The following CYP4X1 variants were observed in gnomAD, a reference collection of about 807,000 sequenced individuals.
CYP4X1 encodes the protein cytochrome P450 family 4 subfamily X member 1.
CYP4X1 carries 44 observed loss-of-function variants against 57.9 expected under a neutral mutation model. The ratio of observed to expected loss-of-function variants is 0.76; its 90% CI spans 0.60 to 0.98. CYP4X1 has a LOEUF of 0.98. Among genes scored for constraint, CYP4X1 ranks in the 50% least tolerant of loss-of-function variants. The pLI is 0.00. For missense variants in CYP4X1, 532 were observed against 623.9 expected (o/e 0.85, Z 1.57); for synonymous variants, 227 against 228.6 (o/e 0.99, Z 0.06).
At chr1:47,007,208 A>G in the CYP4X1 span, among the ~76,000 whole-genome samples, 1 of 152,152 alleles carries the variant, frequency 6.6e-6, no homozygotes, top group Non-Finnish European at 1.5e-5. Context: ...TCACACGGCC[A>G]GGTACTCCTC....
chr1:47,018,842 A>T (rs1643968926), upstream of CYP4X1, among the ~76,000 whole-genome samples: 1 of 152,240 alleles, frequency 6.6e-6, no homozygotes, highest in Admixed American at 6.5e-5. Context: ...CAGAAAAATC[A>T]GAATTCAATC....
the CYP4X1 span, among the ~76,000 whole-genome samples, chr1:46,981,480 C>G: frequency 2.6e-5 from 4 of 152,144 alleles, no homozygotes; most frequent in African/African-American, 9.7e-5. Flanking sequence ...AGTCAGGAAA[C>G]AACAGGTGCT....
the CYP4X1 span, among the ~76,000 whole-genome samples, chr1:46,965,734 G>T: frequency 6.6e-6 from 1 of 152,210 alleles, no homozygotes; most frequent in South Asian, 2.1e-4. Flanking sequence ...AGTACAGCAG[G>T]TGTGCTGCAT....
chr1:46,979,679 G>A, the CYP4X1 span, among the ~76,000 whole-genome samples: 1 of 152,078 alleles, frequency 6.6e-6, no homozygotes, highest in Non-Finnish European at 1.5e-5. Context: ...AATAAAAAAA[G>A]AGAATTTTAG....
At chr1:47,003,352 T>C in the CYP4X1 span, among the ~76,000 whole-genome samples, 1 of 152,138 alleles carries the variant, frequency 6.6e-6, no homozygotes, top group Non-Finnish European at 1.5e-5. Context: ...AGCCAGAAAT[T>C]GTCCCCATAT....
At chr1:46,963,342 C>T in the CYP4X1 span, among the ~76,000 whole-genome samples, 64 of 152,032 alleles carry the variant, frequency 4.2e-4, no homozygotes, top group Admixed American at 2.3e-3. Flanking sequence ...CAGTTTCTTC[C>T]TAGCATTGAT....
the CYP4X1 span, among the ~76,000 whole-genome samples, chr1:46,987,645 C>T: frequency 3.9e-5 from 6 of 152,284 alleles, no homozygotes; most frequent in Middle Eastern, 3.4e-3. Context: ...TAAAACACTC[C>T]TCAGCAAATG....
At chr1:46,972,812 T>C in the CYP4X1 span, among the ~76,000 whole-genome samples, 2 of 152,180 alleles carry the variant, frequency 1.3e-5, no homozygotes, top group Non-Finnish European at 2.9e-5. Flanking sequence ...CTGAAGTTTC[T>C]GAGATCTAGG....
chr1:47,053,064 C>A (rs1295024561), downstream of CYP4X1, among the ~76,000 whole-genome samples: 1 of 152,056 alleles, frequency 6.6e-6, no homozygotes, highest in Non-Finnish European at 1.5e-5. Flanking sequence ...GCTATCCCTC[C>A]CCCATCCCCC....
chr1:47,035,990 AC>A, intron 5 of CYP4X1, 26 bp from the exon 6 acceptor site: 1 of 1,610,684 alleles, frequency 6.2e-7, no homozygotes, highest in Non-Finnish European at 8.5e-7. Flanking sequence ...TTGTTTATTA[AC>A]ACATTATCCC....
At chr1:46,968,570 G>T in the CYP4X1 span, among the ~76,000 whole-genome samples, 5 of 152,132 alleles carry the variant, frequency 3.3e-5, no homozygotes, top group Admixed American at 2.0e-4. Context: ...CTCACCTTCT[G>T]CTGGCTGTGC....
At chr1:47,033,660 T>C (rs543632518) in intron 4 of CYP4X1, among the ~76,000 whole-genome samples, 3 of 152,316 alleles carry the variant, frequency 2.0e-5, no homozygotes, top group South Asian at 4.1e-4. Flanking sequence ...ATGTGTTTCA[T>C]GGAGGGCGGG....
At chr1:47,037,804 A>G (rs1016533187) in intron 6 of CYP4X1, among the ~76,000 whole-genome samples, 9 of 152,152 alleles carry the variant, frequency 5.9e-5, no homozygotes, top group African/African-American at 1.2e-4. Context: ...TTATTTTCAT[A>G]TTTAAATCAG....
the CYP4X1 span, among the ~76,000 whole-genome samples, chr1:46,963,071 C>A: frequency 1.5e-3 from 232 of 152,286 alleles, no homozygotes; most frequent in African/African-American, 5.4e-3. Context: ...ACTAGAATTG[C>A]AACCCCTGCC....
At chr1:46,973,064 G>A in the CYP4X1 span, among the ~76,000 whole-genome samples, 7 of 152,108 alleles carry the variant, frequency 4.6e-5, no homozygotes, top group African/African-American at 1.7e-4. Flanking sequence ...TGCTGACTGT[G>A]GGTTTGTCCA....
chr1:46,964,972 G>C, the CYP4X1 span, among the ~76,000 whole-genome samples: 1 of 152,184 alleles, frequency 6.6e-6, no homozygotes, highest in South Asian at 2.1e-4. Flanking sequence ...CTGCCGCCTT[G>C]CAGTTTGATC....
intron 3 of CYP4X1, among the ~76,000 whole-genome samples, chr1:47,031,961 TG>T (rs1382113384): frequency 6.6e-6 from 1 of 152,086 alleles, no homozygotes; most frequent in African/African-American, 2.4e-5. Flanking sequence ...GAGAATCGCT[TG>T]AACCTAGGAG....
At chr1:47,053,880 G>C (rs1034650594), downstream of CYP4X1, among the ~76,000 whole-genome samples, 1 of 152,186 alleles carries the variant, frequency 6.6e-6, no homozygotes, top group Non-Finnish European at 1.5e-5. Flanking sequence ...CCCATTCAGT[G>C]TGATGGTAGT....
At chr1:46,979,208 A>G in the CYP4X1 span, among the ~76,000 whole-genome samples, 1 of 152,236 alleles carries the variant, frequency 6.6e-6, no homozygotes, top group Non-Finnish European at 1.5e-5. Context: ...GAAAAGATCA[A>G]CAAAATTGAT....
Sources: allele counts gnomAD v4.1 joint callset (sites outside exome capture counted in the v4.1 genomes callset), GRCh38; gene constraint gnomAD v4.1.1; transcripts MANE v1.5; gene names NCBI Gene and HGNC (gene_info 2026-07-23, HGNC 2026-07-21).